MANBA: variants seen among roughly 807,000 people sequenced by gnomAD.
MANBA encodes beta-mannosidase.
Under a neutral mutation model 111.1 loss-of-function variants are expected in MANBA, and 83 were observed. The ratio of observed to expected loss-of-function variants is 0.75; its 90% confidence interval spans 0.63 to 0.90. The LOEUF (loss-of-function observed/expected upper bound fraction) is 0.90. MANBA is among the 40% of genes least tolerant of loss of function. MANBA has a pLI of 0.00. For missense variants in MANBA, 1,036 were observed against 1,069.0 expected (o/e 0.97, Z 0.43); for synonymous variants, 370 against 378.7 (o/e 0.98, Z 0.27).
At chr4:102,747,068 ACTCCATC>A (rs1723614645) in intron 1 of MANBA, among the ~76,000 whole-genome samples, 1 of 151,754 alleles carries the variant, frequency 6.6e-6, no homozygotes, top group Non-Finnish European at 1.5e-5. Context: ...CAATAAAAGA[ACTCCATC>A]CTTAATATTC....
intron 13 of MANBA, among the ~76,000 whole-genome samples, chr4:102,647,392 T>C (rs367960015): frequency 2.0e-5 from 3 of 151,170 alleles, no homozygotes; most frequent in South Asian, 4.2e-4. Flanking sequence ...TAACTCCACT[T>C]GCATGCCCAG....
intron 16 of MANBA, chr4:102,633,209 A>G: frequency 2.5e-6 from 1 of 398,096 alleles, no homozygotes; most frequent in Non-Finnish European, 4.4e-6. Context: ...TCAGGATCAG[A>G]GACTCAGGCT....
chr4:102,751,365 T>C, intron 1 of MANBA: 1 of 370,504 alleles, frequency 2.7e-6, no homozygotes, highest in Non-Finnish European at 5.3e-6. Context: ...CCATTCTCTC[T>C]CTACTAACCC....
rs561647834 is a variant in MANBA at position 102,747,850 on chromosome 4, C to T, written c.177+12868G>A. On this transcript the variant is annotated intron_variant, in intron 1 of 16. Transcript: ENST00000647097. ...CTAAAACTTAAAAGGGAAAACAAGACAAACTATTTGCTTGGCCCACTACAA... is the reference window on the plus strand; with the variant it reads ...CTAAAACTTAAAAGGGAAAACAAGATAAACTATTTGCTTGGCCCACTACAA... Among the ~76,000 whole-genome samples the T allele has an allele frequency of 3.9e-5, 6 of 152,330 alleles. No individual in the cohort carries two copies. In the South Asian group the frequency reaches 1.2e-3, roughly 32 times the overall value.
intron 5 of MANBA, among the ~76,000 whole-genome samples, chr4:102,697,961 T>G (rs1189256290): frequency 1.3e-5 from 2 of 151,784 alleles, no homozygotes; most frequent in African/African-American, 4.8e-5. Context: ...TGAACTAGTT[T>G]ACAGTCCCAC....
chr4:102,746,846 C>T (rs1414729554), intron 1 of MANBA, among the ~76,000 whole-genome samples: 2 of 151,954 alleles, frequency 1.3e-5, no homozygotes, highest in Non-Finnish European at 2.9e-5. Flanking sequence ...GTGGCGGTCG[C>T]CTGTAGTCCC....
rs1729780635 is a variant in MANBA at position 102,639,707 on chromosome 4, G to A, written c.2014+6C>T. On this transcript the variant is annotated splice_donor_region_variant and intron_variant, in intron 14 of 16. Transcript: ENST00000647097. ...TCACTCGCACAAAGAACGCTGAAAT[G>A]CTTACCAAGAGAAGCCCAGGAAGGA... is the stretch of plus-strand genomic sequence containing the variant. 1 of 1,614,092 alleles carries A rather than the reference G, an allele frequency of 6.2e-7. No individual in the cohort carries two copies. Among genetic ancestry groups the A allele is most frequent in the Non-Finnish European group, 8.5e-7 (1 of 1,179,998 alleles).
chr4:102,687,648 A>G (rs991858188), intron 7 of MANBA, among the ~76,000 whole-genome samples: 2 of 152,132 alleles, frequency 1.3e-5, no homozygotes, highest in Admixed American at 1.3e-4. Context: ...GGCTCTGGGA[A>G]TCTTCCCAGA....
intron 1 of MANBA, chr4:102,729,332 T>G: frequency 1.3e-6 from 1 of 756,046 alleles, no homozygotes; most frequent in Non-Finnish European, 2.4e-6. Flanking sequence ...ATCTGGTACA[T>G]GCTCTCAGCC....
chr4:102,681,643 T>C (rs545592532), intron 7 of MANBA: 2 of 152,358 alleles, frequency 1.3e-5, no homozygotes, highest in Non-Finnish European at 2.9e-5. Flanking sequence ...AAGTAACTTA[T>C]GTTGAGTTTC....
chr4:102,677,813 A>G (rs1200641873), intron 7 of MANBA, among the ~76,000 whole-genome samples: 1 of 152,168 alleles, frequency 6.6e-6, no homozygotes, highest in African/African-American at 2.4e-5. Context: ...AACTGTCATT[A>G]TTTCCACTGG....
intron 5 of MANBA, among the ~76,000 whole-genome samples, chr4:102,711,012 A>T (rs1722041117): frequency 6.6e-6 from 1 of 152,124 alleles, no homozygotes; most frequent in Non-Finnish European, 1.5e-5. Flanking sequence ...CGATAAAACT[A>T]CTAGAAGAAA....
chr4:102,686,385 T>C (rs1199760331), intron 7 of MANBA, among the ~76,000 whole-genome samples: 1 of 152,198 alleles, frequency 6.6e-6, no homozygotes, highest in African/African-American at 2.4e-5. Context: ...CACTTCAATA[T>C]ATTTACTTAT....
At chr4:102,633,590 AT>A (rs752415101) in intron 16 of MANBA, 46 of 395,996 alleles carry the variant, frequency 1.2e-4, no homozygotes, top group Non-Finnish European at 1.9e-4. Flanking sequence ...TATTACTATC[AT>A]TTTATCTCTT....
chr4:102,691,164 A>G (rs1406373704), intron 5 of MANBA, among the ~76,000 whole-genome samples: 1 of 152,126 alleles, frequency 6.6e-6, no homozygotes, highest in Non-Finnish European at 1.5e-5. Context: ...ATTTTACTTT[A>G]TAATGTAAAT....
chr4:102,701,400 T>C (rs532616513), intron 5 of MANBA, among the ~76,000 whole-genome samples: 4,190 of 152,168 alleles, frequency 0.028, 128 homozygotes, highest in African/African-American at 0.077. Context: ...GATCCTGTCA[T>C]TATGATGTTA....
At chr4:102,717,863 A>T (rs1286689886) in intron 4 of MANBA, among the ~76,000 whole-genome samples, 1 of 152,248 alleles carries the variant, frequency 6.6e-6, no homozygotes, top group Non-Finnish European at 1.5e-5. Context: ...CCTAAAGGCA[A>T]TGAGAAGCTG....
At chr4:102,750,678 C>T (rs917892393) in intron 1 of MANBA, among the ~76,000 whole-genome samples, 1 of 152,016 alleles carries the variant, frequency 6.6e-6, no homozygotes, top group African/African-American at 2.4e-5. Flanking sequence ...TTTGGGAGGC[C>T]GAGGTGGGAA....
intron 7 of MANBA, 48 bp downstream of exon 7, chr4:102,689,526 T>A: frequency 8.1e-7 from 1 of 1,239,140 alleles, no homozygotes; most frequent in Non-Finnish European, 1.2e-6. Context: ...TTACTATTTT[T>A]AAAAGAAATA....
Sources: allele counts gnomAD v4.1 joint callset (sites outside exome capture counted in the v4.1 genomes callset), GRCh38; gene constraint gnomAD v4.1.1; transcripts MANE v1.5; gene names NCBI Gene and HGNC (gene_info 2026-07-23, HGNC 2026-07-21).